ACAT2: variants seen among roughly 807,000 people sequenced by gnomAD.
ACAT2 encodes acetyl-CoA acetyltransferase 2, also known as acetyl-CoA acetyltransferase, cytosolic.
Under a neutral mutation model 37.1 loss-of-function variants are expected in ACAT2, and 26 were observed. That is an observed-to-expected ratio of 0.70 (90% CI 0.51 to 0.97). ACAT2 has a LOEUF of 0.97. ACAT2 is among the 50% of genes least tolerant of loss of function. The pLI, the probability that ACAT2 is intolerant of heterozygous loss-of-function variation, is 0.00. For missense variants in ACAT2, 468 were observed against 489.0 expected, an observed-to-expected ratio of 0.96 and a Z score of 0.40; for synonymous variants, 156 against 163.6, an observed-to-expected ratio of 0.95 and a Z score of 0.35.
rs571822479 is a variant in ACAT2 at position 159,775,035 on chromosome 6, CAG to C, written c.491-132_491-131del. On this transcript the variant is annotated intron_variant, in intron 4 of 8. Transcript: ENST00000367048. ...CAGTGGCAGGCAGGGCCACCCCACA[CAG>C]AGCATTGCACAGGCCACCATGAGCC... is the stretch of plus-strand genomic sequence containing the variant. 4,584 of 982,784 alleles carry C rather than the reference CAG, an allele frequency of 4.7e-3. 18 individuals carry two copies. The highest frequency in any genetic ancestry group is 6.2e-3 in the Non-Finnish European group (4,261 of 684,802). 60.9% of individuals were successfully genotyped at this position (982,784 alleles called of 1,614,324 possible). A position where few individuals can be genotyped will look rare whatever the true frequency, so the allele number is the denominator to read the frequency against.
chr6:159,766,983 T>C (rs1471811985), intron 2 of ACAT2, 22 bp from the exon 3 acceptor site: 2 of 1,612,890 alleles, frequency 1.2e-6, no homozygotes, highest in Non-Finnish European at 1.7e-6. Context: ...TTGCTAAGAG[T>C]CCTCTGTGTT....
At chr6:159,774,641 G>A (rs988229912) in intron 4 of ACAT2, among the ~76,000 whole-genome samples, 4 of 152,044 alleles carry the variant, frequency 2.6e-5, no homozygotes, top group African/African-American at 7.2e-5. Context: ...ACAGGGTCTC[G>A]CTGTGCCCAG....
chr6:159,762,798 A>G lies in ACAT2; in HGVS notation c.56-121A>G, dbSNP rs775092498. 3.8e-6 allele frequency: 6 copies of G among 1,593,662 alleles called. No homozygotes were observed. The East Asian group carries it at 1.3e-4, about 36-fold the overall frequency. On this transcript the variant is annotated intron_variant, in intron 1 of 8. Coordinates refer to ENST00000367048, the MANE Select transcript of ACAT2 (RefSeq NM_005891.3). ...AGCAGGTGTAGGAACGTGTGGGAGGAGAGGGCACTGCCTCCTCGCGTGGCC... is the reference window on the plus strand; with the variant it reads ...AGCAGGTGTAGGAACGTGTGGGAGGGGAGGGCACTGCCTCCTCGCGTGGCC...
Position 159,775,275 on chromosome 6 carries a change from A to G in ACAT2, c.596A>G (p.Asp199Gly). The part of the protein sequence containing the change: ...TENAQKAGHF[D>G]KEIVPVLVST... Reference sequence around the variant, plus strand: ...AATGCACAGAAAGCTGGCCATTTTGACAAAGAGATTGTACCAGTTTTGGTG... The same window carrying G: ...AATGCACAGAAAGCTGGCCATTTTGGCAAAGAGATTGTACCAGTTTTGGTG... Residue 199 changes from aspartate to glycine, a missense_variant, in exon 5 of 9, where the codon GAC (aspartate) becomes GGC (glycine). Asp to Gly is a moderately conservative substitution (Grantham distance 94). Transcript: ENST00000367048. The G allele has an allele frequency of 6.2e-7, 1 of 1,614,214 alleles. No individual in the cohort carries two copies. Among genetic ancestry groups the G allele is most frequent in the Non-Finnish European group, 8.5e-7 (1 of 1,180,030 alleles).
chr6:159,762,241 G>A, intron 1 of ACAT2, 99 bp downstream of exon 1: 2 of 1,427,410 alleles, frequency 1.4e-6, no homozygotes, highest in Admixed American at 2.5e-5. Context: ...GTATGTGGAG[G>A]AAGCCGGTCA....
intron 2 of ACAT2, among the ~76,000 whole-genome samples, chr6:159,765,682 TC>T (rs879589232): frequency 0.028 from 251 of 9,084 alleles, 4 homozygotes; most frequent in Middle Eastern, 0.22. Context: ...TGCGCCCCCC[TC>T]CCCCGGCCTC....
At chr6:159,777,972 G>C (rs928182650) in intron 7 of ACAT2, among the ~76,000 whole-genome samples, 198 bp from the exon 8 acceptor site, 1 of 152,284 alleles carries the variant, frequency 6.6e-6, no homozygotes, top group African/African-American at 2.4e-5. Context: ...GGATCTTTTA[G>C]ATCACACCCT....
intron 3 of ACAT2, among the ~76,000 whole-genome samples, 200 bp from the exon 4 acceptor site, chr6:159,768,311 T>G (rs1187197908): frequency 6.6e-6 from 1 of 152,104 alleles, no homozygotes; most frequent in Admixed American, 6.6e-5. Flanking sequence ...AGAGTAATCG[T>G]TCCCAACAAT....
At chr6:159,777,153 A>G in intron 6 of ACAT2, 149 bp from the exon 7 acceptor site, 1 of 935,980 alleles carries the variant, frequency 1.1e-6, no homozygotes, top group South Asian at 1.7e-5. Context: ...TGCCAAACAT[A>G]ATTTCTATGT....
intron 2 of ACAT2, among the ~76,000 whole-genome samples, chr6:159,764,089 A>G (rs575286738): frequency 1.6e-4 from 25 of 152,016 alleles, no homozygotes; most frequent in African/African-American, 6.0e-4. Context: ...TGGGCAACAG[A>G]GTGAGACTCC....
intron 5 of ACAT2, 147 bp downstream of exon 5, chr6:159,775,460 AG>A: frequency 1.1e-6 from 1 of 936,916 alleles, no homozygotes; most frequent in South Asian, 1.8e-5. Flanking sequence ...GAATGTGGGG[AG>A]GGGGTATGCT....
chr6:159,777,496 CT>C (rs779101173), intron 7 of ACAT2, 40 bp downstream of exon 7: 1 of 1,583,462 alleles, frequency 6.3e-7, no homozygotes, highest in Non-Finnish European at 8.6e-7. Context: ...ATTTGTCTTC[CT>C]GTTAGCCTTA....
chr6:159,778,885 TG>T lies in ACAT2; in HGVS notation c.*57del. ...TTTTTAAACTAATAAAGTACTAGGTTGCAATATGTGAAATCAGAGGACCAAA... is the reference window on the plus strand; with the variant it reads ...TTTTTAAACTAATAAAGTACTAGGTTCAATATGTGAAATCAGAGGACCAAA... On this transcript the variant is annotated 3_prime_UTR_variant, in exon 9 of 9. Coordinates refer to ENST00000367048, the MANE Select transcript of ACAT2 (RefSeq NM_005891.3). 1 of 1,606,514 alleles carries T rather than the reference TG, an allele frequency of 6.2e-7. No individual in the cohort carries two copies. The highest frequency in any genetic ancestry group is 2.2e-5 in the East Asian group (1 of 44,786).
At position 159,778,730 on chromosome 6, in the gene ACAT2, C is replaced by T. The variant is rs1562481104; in HGVS notation, c.1095C>T (p.Thr365=). Residue 365 remains threonine, a synonymous_variant, in exon 9 of 9, where the codon ACC becomes ACT. Transcript: ENST00000367048. ...CATCTGGCTGTCGAATTCTTGTGAC[C>T]CTGTTACACACACTGGAGAGAATGG... is the stretch of plus-strand genomic sequence containing the variant. ...LGASGCRILV[T]LLHTLERMGR... The T allele has an allele frequency of 6.2e-7, 1 of 1,614,182 alleles. No homozygotes were observed. Among genetic ancestry groups the T allele is most frequent in the South Asian group, 1.1e-5 (1 of 91,090 alleles).
chr6:159,778,232 A>C lies in ACAT2; in HGVS notation c.975A>C (p.Ala325=). ...VDIFEINEAF[A]AVSAAIVKEL... ...TATTTGAAATCAATGAAGCCTTTGC[A>C]GCTGTCTCTGCTGCAATAGTTAAAG... The change falls in exon 8 of 9, where the codon GCA becomes GCC. Residue 325 remains alanine, a synonymous_variant. Transcript: ENST00000367048. The C allele has an allele frequency of 6.2e-7, 1 of 1,612,654 alleles. No homozygotes were observed. Among genetic ancestry groups the C allele is most frequent in the Non-Finnish European group, 8.5e-7 (1 of 1,179,770 alleles).
rs970408954 is a variant in ACAT2 at position 159,776,197 on chromosome 6, A to G, written c.682A>G (p.Ile228Val). ...TDEFPRHGSNIEAMSKLKPYF... is the reference protein window; with the variant it reads ...TDEFPRHGSNVEAMSKLKPYF... ...TGAGTTTCCTCGCCATGGGAGCAAC[A>G]TAGAAGCCATGTCCAAGCTAAAGCC... Residue 228 changes from isoleucine to valine, a missense_variant, in exon 6 of 9, where the codon ATA becomes GTA. Coordinates refer to ENST00000367048, the MANE Select transcript of ACAT2 (RefSeq NM_005891.3). 1.2e-6 allele frequency: 2 copies of G among 1,614,146 alleles called. No homozygotes were observed. The highest frequency in any genetic ancestry group is 1.7e-6 in the Non-Finnish European group (2 of 1,179,990).
chr6:159,770,779 A>G (rs1780322637), intron 4 of ACAT2, among the ~76,000 whole-genome samples: 1 of 152,222 alleles, frequency 6.6e-6, no homozygotes, highest in African/African-American at 2.4e-5. Context: ...AGAATAAATG[A>G]ACAGGCCAGG....
intron 3 of ACAT2, among the ~76,000 whole-genome samples, chr6:159,768,203 A>G (rs911220418): frequency 7.2e-5 from 11 of 152,338 alleles, no homozygotes; most frequent in Non-Finnish European, 1.5e-4. Context: ...CATTTAACAG[A>G]TAATTAATTG....
At chr6:159,766,823 A>C (rs1780262534) in intron 2 of ACAT2, among the ~76,000 whole-genome samples, 182 bp from the exon 3 acceptor site, 1 of 152,068 alleles carries the variant, frequency 6.6e-6, no homozygotes, top group South Asian at 2.1e-4. Context: ...GTATATATTC[A>C]AGGGCTAGAC....
Sources: gnomAD v4.1 joint callset for allele counts (sites outside exome capture counted in the v4.1 genomes callset) on GRCh38, gnomAD v4.1.1 for gene constraint, MANE v1.5 for transcripts, NCBI Gene and HGNC (gene_info 2026-07-23, HGNC 2026-07-21) for gene names.